ADAM23: variants seen among roughly 807,000 people sequenced by gnomAD.
ADAM23 encodes ADAM metallopeptidase domain 23, also known as disintegrin and metalloproteinase domain-containing protein 23.
ADAM23 carries 33 observed loss-of-function variants against 120.1 expected under a neutral mutation model. That is an observed-to-expected ratio of 0.27 (90% CI 0.21 to 0.37). ADAM23 has a LOEUF of 0.37. ADAM23 is among the 10% of genes least tolerant of loss of function. The pLI is 1.00. For synonymous variants in ADAM23, 367 were observed against 375.2 expected, an observed-to-expected ratio of 0.98 and a Z score of 0.25; for missense variants, 862 against 1,058.2, an observed-to-expected ratio of 0.81 and a Z score of 2.57.
At chr2:206,565,199 A>T in intron 14 of ADAM23, 131 bp downstream of exon 14, 1 of 747,040 alleles carries the variant, frequency 1.3e-6, no homozygotes. Context: ...TAATTGTCTG[A>T]TATTTTTAAA....
rs1296789270 is a variant in ADAM23 at position 206,595,062 on chromosome 2, T to TC, written c.2247+160dup. On this transcript the variant is annotated intron_variant, in intron 23 of 25. Transcript: ENST00000264377. ...TGGGCGTGGTGGTGGGCACCTGTAG[T>TC]CCCAGCTACTCAGGAGGCTTTTGCA... 6.6e-5 allele frequency among the ~76,000 whole-genome samples: 10 copies of TC among 152,192 alleles called. No individual in the cohort carries two copies. In the East Asian group the frequency reaches 1.7e-3, roughly 26 times the overall value.
intron 2 of ADAM23, among the ~76,000 whole-genome samples, chr2:206,468,962 C>T (rs1695597973): frequency 1.3e-5 from 2 of 152,094 alleles, no homozygotes; most frequent in Admixed American, 1.3e-4. Flanking sequence ...GACGAGGTGC[C>T]ACACACTTTT....
At chr2:206,608,479 T>C (rs2105863517) in intron 24 of ADAM23, among the ~76,000 whole-genome samples, 1 of 152,332 alleles carries the variant, frequency 6.6e-6, no homozygotes, top group Middle Eastern at 3.4e-3. Flanking sequence ...TCAAAAGAGA[T>C]ACTATATGTC....
intron 14 of ADAM23, among the ~76,000 whole-genome samples, chr2:206,566,859 A>G (rs1242205004): frequency 1.3e-5 from 2 of 152,314 alleles, no homozygotes; most frequent in East Asian, 3.9e-4. Flanking sequence ...AGGCAAAAAA[A>G]AAAAATGCTT....
At chr2:206,482,159 A>AT (rs1419881318) in intron 3 of ADAM23, among the ~76,000 whole-genome samples, 1 of 152,232 alleles carries the variant, frequency 6.6e-6, no homozygotes, top group Non-Finnish European at 1.5e-5. Flanking sequence ...CAACTATTAA[A>AT]TTTTTTGTAT....
In ADAM23 at chr2:206,449,369, T is replaced by G. The variant is rs573003840; in HGVS notation, c.432+3845T>G. The stretch of plus-strand genomic sequence containing the variant: ...TATTAATAAAATGGACCATACATTT[T>G]AAAAGCAGGAGAAACACTTTAGATT... On this transcript the variant is annotated intron_variant, in intron 2 of 25. Coordinates refer to ENST00000264377, the MANE Select transcript of ADAM23 (RefSeq NM_003812.4). Among the ~76,000 whole-genome samples, 20 of 152,356 alleles carry G rather than the reference T, an allele frequency of 1.3e-4. 2 individuals carry two copies. The South Asian group carries it at 3.3e-3, about 25-fold the overall frequency.
chr2:206,447,210 T>C (rs1695099813), intron 2 of ADAM23, among the ~76,000 whole-genome samples: 1 of 152,206 alleles, frequency 6.6e-6, no homozygotes, highest in Non-Finnish European at 1.5e-5. Context: ...TCCGTGATAA[T>C]AAGGTTTGTT....
At chr2:206,613,757 G>C (rs1323839937) in intron 25 of ADAM23, among the ~76,000 whole-genome samples, 1 of 152,114 alleles carries the variant, frequency 6.6e-6, no homozygotes, top group Non-Finnish European at 1.5e-5. Context: ...GCTTAGGAAA[G>C]GTGAAAAGTA....
At chr2:206,507,397 G>C (rs1414327180) in intron 3 of ADAM23, among the ~76,000 whole-genome samples, 1 of 152,106 alleles carries the variant, frequency 6.6e-6, no homozygotes, top group Non-Finnish European at 1.5e-5. Flanking sequence ...TTGTTTATAA[G>C]TATGCAGCAC....
At chr2:206,471,045 C>T (rs1461026626) in intron 2 of ADAM23, among the ~76,000 whole-genome samples, 2 of 152,262 alleles carry the variant, frequency 1.3e-5, no homozygotes, top group Middle Eastern at 3.4e-3. Flanking sequence ...CAACATAAAT[C>T]ACTGGGTAGA....
chr2:206,563,956 T>G (rs1697824820), intron 13 of ADAM23, among the ~76,000 whole-genome samples: 2 of 152,050 alleles, frequency 1.3e-5, no homozygotes, highest in African/African-American at 4.8e-5. Flanking sequence ...GGTCTCGATC[T>G]CCTGACCTCA....
rs3211078 is a variant in ADAM23 at position 206,617,875 on chromosome 2, C to T, written c.*248C>T. On this transcript the variant is annotated 3_prime_UTR_variant, in exon 26 of 26. Transcript: ENST00000264377. ...GCAAAAGACCATGCTATAAAAAGAACTGTTCCAGAATCTTTTTTTTCCCTA... is the reference window on the plus strand; with the variant it reads ...GCAAAAGACCATGCTATAAAAAGAATTGTTCCAGAATCTTTTTTTTCCCTA... 2 of 648,056 alleles carry T rather than the reference C, an allele frequency of 3.1e-6. No homozygotes were observed. The highest frequency in any genetic ancestry group is 4.5e-6 in the Non-Finnish European group (2 of 444,528). The allele number at this position is 648,056 out of a possible 1,614,324, so 40.1% of individuals were successfully genotyped here. A position where few individuals can be genotyped will look rare whatever the true frequency, so the allele number is the denominator to read the frequency against.
intron 22 of ADAM23, among the ~76,000 whole-genome samples, 189 bp from the exon 23 acceptor site, chr2:206,594,548 G>A (rs1698484620): frequency 6.6e-6 from 1 of 152,162 alleles, no homozygotes; most frequent in South Asian, 2.1e-4. Flanking sequence ...TAATGAAAGA[G>A]TGTTTCTTTT....
intron 2 of ADAM23, among the ~76,000 whole-genome samples, chr2:206,449,568 G>C (rs1364033200): frequency 6.6e-6 from 1 of 152,196 alleles, no homozygotes; most frequent in Non-Finnish European, 1.5e-5. Flanking sequence ...AGGAGTTTGA[G>C]ACCAGCCTGG....
At chr2:206,575,068 G>T (rs1400141417) in intron 18 of ADAM23, among the ~76,000 whole-genome samples, 1 of 152,130 alleles carries the variant, frequency 6.6e-6, no homozygotes, top group Non-Finnish European at 1.5e-5. Flanking sequence ...AGAGTATAGG[G>T]TAGGATGTGA....
intron 3 of ADAM23, among the ~76,000 whole-genome samples, chr2:206,486,682 CTTTCTCCTT>C (rs1192738943): frequency 1.3e-5 from 2 of 152,140 alleles, no homozygotes; most frequent in East Asian, 3.9e-4. Context: ...TCTTCCTCCT[CTTTCTCCTT>C]TTCCTCCTCC....
At position 206,562,313 on chromosome 2, in the gene ADAM23, T is replaced by G; in HGVS notation, c.1345+20T>G. 6.3e-7 allele frequency: 1 copy of G among 1,593,582 alleles called. No individual in the cohort carries two copies. Among genetic ancestry groups the G allele is most frequent in the Non-Finnish European group, 8.6e-7 (1 of 1,162,136 alleles). ...AGCCAAGTATGTACACTGACCTTCTTACTCATTTTCATGTGCCATTCTGTC... is the reference window on the plus strand; with the variant it reads ...AGCCAAGTATGTACACTGACCTTCTGACTCATTTTCATGTGCCATTCTGTC... On this transcript the variant is annotated intron_variant, in intron 13 of 25. Coordinates refer to ENST00000264377, the MANE Select transcript of ADAM23 (RefSeq NM_003812.4).
At chr2:206,605,827 C>T (rs995523709) in intron 24 of ADAM23, 4 of 699,642 alleles carry the variant, frequency 5.7e-6, no homozygotes, top group African/African-American at 1.8e-5. Context: ...GGGCCGTGGC[C>T]GGCACCATTC....
At chr2:206,477,334 G>GT (rs1411710623) in intron 2 of ADAM23, among the ~76,000 whole-genome samples, 2 of 152,140 alleles carry the variant, frequency 1.3e-5, no homozygotes, top group Non-Finnish European at 2.9e-5. Context: ...GAGTTTAATT[G>GT]TTTTTCTTTT....
Sources: gnomAD v4.1 joint callset for allele counts (sites outside exome capture counted in the v4.1 genomes callset) on GRCh38, gnomAD v4.1.1 for gene constraint, MANE v1.5 for transcripts, NCBI Gene and HGNC (gene_info 2026-07-23, HGNC 2026-07-21) for gene names.